SYNPO: variants seen among roughly 807,000 people sequenced by gnomAD.
SYNPO encodes synaptopodin.
A neutral mutation model predicts 49.5 loss-of-function variants in SYNPO; 19 were observed. The ratio of observed to expected loss-of-function variants is 0.38; its 90% CI spans 0.27 to 0.56. The LOEUF (loss-of-function observed/expected upper bound fraction) is 0.56, where lower values mean the gene tolerates loss of function less well. SYNPO is among the 20% of genes least tolerant of loss of function. SYNPO has a pLI of 0.68. For synonymous variants in SYNPO, 536 were observed against 548.0 expected (o/e 0.98, Z 0.31); for missense variants, 1,131 against 1,248.3 (o/e 0.91, Z 1.42).
chr5:150,639,237 C>G (rs1370391902), upstream of SYNPO, among the ~76,000 whole-genome samples: 1 of 152,204 alleles, frequency 6.6e-6, no homozygotes, highest in Non-Finnish European at 1.5e-5. Context: ...CTTAGCTTCC[C>G]CTTACCCATC....
intron 2 of SYNPO, chr5:150,651,545 G>C: frequency 1.0e-6 from 1 of 1,001,932 alleles, no homozygotes; most frequent in African/African-American, 1.7e-5. Flanking sequence ...GACCTGGTGA[G>C]GGAAGGGTTG....
At chr5:150,597,813 T>G (rs1014160716), upstream of SYNPO, among the ~76,000 whole-genome samples, 1 of 152,126 alleles carries the variant, frequency 6.6e-6, no homozygotes, top group East Asian at 1.9e-4. Flanking sequence ...AATTTTTGTA[T>G]TTTTAGTAGA....
chr5:150,586,418 A>C, the SYNPO span, among the ~76,000 whole-genome samples: 7 of 152,190 alleles, frequency 4.6e-5, no homozygotes, highest in Admixed American at 3.9e-4. Context: ...ACTCTTCCTC[A>C]GGGAAGCCCG....
chr5:150,650,650 C>T (rs768739617), intron 2 of SYNPO: 13 of 1,432,300 alleles, frequency 9.1e-6, no homozygotes, highest in Admixed American at 3.0e-5. Context: ...TGTAGGGATG[C>T]AGAGTCTGAT....
At chr5:150,654,886 G>A (rs1758504750) in intron 2 of SYNPO, among the ~76,000 whole-genome samples, 1 of 152,240 alleles carries the variant, frequency 6.6e-6, no homozygotes, top group Non-Finnish European at 1.5e-5. Context: ...AGCACTTTGG[G>A]AGGCTGAGGC....
Position 150,656,759 on chromosome 5 carries a change from C to T in SYNPO, c.2384C>T (p.Pro795Leu). The T allele has an allele frequency of 8.2e-7, 1 of 1,216,230 alleles. No individual in the cohort carries two copies. Among genetic ancestry groups the T allele is most frequent in the Non-Finnish European group, 1.0e-6 (1 of 981,260 alleles). 75.3% of individuals were successfully genotyped at this position (1,216,230 alleles called of 1,614,324 possible). Residue 795 changes from proline (P) to leucine (L), a missense_variant, in exon 3 of 3, where the codon CCC becomes CTC. Around this residue, in one of 4 missense-constraint regions of SYNPO, gnomAD observed 509 missense variants for 484.5 expected, o/e 1.05. Transcript: ENST00000307662. Reference sequence around the variant, plus strand: ...AGGGCGCCACCGCCCCCGCCCCCGCCCCCGCCCCCGCCCCCGCGCATGCGC... The same window carrying T: ...AGGGCGCCACCGCCCCCGCCCCCGCTCCCGCCCCCGCCCCCGCGCATGCGC... ...PPRAPPPPPP[P>L]PPPPPRMRSP... is the part of the protein sequence containing the mutation.
At chr5:150,624,849 G>C in intron 2 of SYNPO, 2 of 984,914 alleles carry the variant, frequency 2.0e-6, no homozygotes, top group Non-Finnish European at 2.4e-6. Flanking sequence ...GACGGACGCG[G>C]CCAGGTGTGC....
chr5:150,589,253 G>A, the SYNPO span, among the ~76,000 whole-genome samples: 13 of 151,952 alleles, frequency 8.6e-5, no homozygotes, highest in African/African-American at 2.7e-4. Context: ...CAGTAGAGAC[G>A]GGGTTTGGCT....
chr5:150,624,939 CG>C, intron 2 of SYNPO: 1 of 985,492 alleles, frequency 1.0e-6, no homozygotes, highest in Non-Finnish European at 1.2e-6. Context: ...GGCAGGGGTG[CG>C]GGCACCGCGC....
intron 2 of SYNPO, among the ~76,000 whole-genome samples, chr5:150,655,885 A>C (rs1052036462): frequency 6.6e-6 from 1 of 152,230 alleles, no homozygotes. Context: ...TCCTGACCTC[A>C]GGTGATCCAC....
At chr5:150,614,393 G>A (rs553640560) in intron 1 of SYNPO, among the ~76,000 whole-genome samples, 1 of 152,302 alleles carries the variant, frequency 6.6e-6, no homozygotes, top group South Asian at 2.1e-4. Context: ...AGACTGTGGA[G>A]CACCTGACGC....
chr5:150,646,558 CA>C (rs371336232), intron 1 of SYNPO, among the ~76,000 whole-genome samples: 3 of 149,584 alleles, frequency 2.0e-5, no homozygotes, highest in Admixed American at 6.7e-5. Context: ...CCTGTCTCTA[CA>C]AAAAAAAATA....
chr5:150,647,041 G>A (rs1488828573), intron 1 of SYNPO, among the ~76,000 whole-genome samples: 3 of 151,994 alleles, frequency 2.0e-5, no homozygotes, highest in African/African-American at 4.8e-5. Context: ...TCAGGAGTTC[G>A]AGACCAGCCT....
intron 2 of SYNPO, chr5:150,651,137 G>A: frequency 9.5e-7 from 1 of 1,054,380 alleles, no homozygotes; most frequent in African/African-American, 1.7e-5. Context: ...AGCCCTGTAG[G>A]GGGCTGTGCA....
upstream of SYNPO, among the ~76,000 whole-genome samples, chr5:150,597,549 G>A (rs1435506926): frequency 1.3e-5 from 2 of 152,172 alleles, no homozygotes; most frequent in South Asian, 4.2e-4. Flanking sequence ...GGTCAGGCTG[G>A]TCTGGAACTC....
chr5:150,589,457 C>A, the SYNPO span, among the ~76,000 whole-genome samples: 10 of 152,230 alleles, frequency 6.6e-5, no homozygotes, highest in African/African-American at 2.4e-4. Flanking sequence ...CACGTCATTA[C>A]CCATCCCTAC....
exon 2 of SYNPO, chr5:150,618,183 C>A: frequency 1.4e-6 from 1 of 693,618 alleles, no homozygotes; most frequent in Non-Finnish European, 2.3e-6. Context: ...CCAGGAAGGA[C>A]TTATCTTTCG....
rs1758283045 is a variant in SYNPO at position 150,649,757 on chromosome 5, T to C, written c.1482T>C (p.Tyr494=). 2.5e-6 allele frequency: 4 copies of C among 1,613,048 alleles called. No homozygotes were observed. The highest frequency in any genetic ancestry group is 2.2e-5 in the East Asian group (1 of 44,876). ...GCCGCCAGTCACGGATGGAGAAATA[T>C]GTCATCGAGTCTTCAAGCCACACGC... The part of the protein sequence containing the change: ...YARRQSRMEK[Y]VIESSSHTPE... The change falls in exon 2 of 3, where the codon TAT becomes TAC. Residue 494 remains tyrosine (Y), a synonymous_variant. Transcript: ENST00000307662.
intron 1 of SYNPO, among the ~76,000 whole-genome samples, chr5:150,609,283 A>G (rs1756778130): frequency 6.6e-6 from 1 of 152,038 alleles, no homozygotes; most frequent in Non-Finnish European, 1.5e-5. Context: ...AGCATTTTCT[A>G]TTTTTATTTT....
Sources: allele counts gnomAD v4.1 joint callset (sites outside exome capture counted in the v4.1 genomes callset), GRCh38; gene constraint gnomAD v4.1.1; regional missense constraint gnomAD v4.1.1; transcripts MANE v1.5; gene names NCBI Gene and HGNC (gene_info 2026-07-23, HGNC 2026-07-21).